Variants in SERGEF observed in about 807,000 individuals in gnomAD.
SERGEF encodes the protein secretion regulating guanine nucleotide exchange factor.
In SERGEF, 51 loss-of-function variants were observed where a neutral mutation model predicts 50.0. The ratio of observed to expected loss-of-function variants is 1.02; its 90% CI spans 0.81 to 1.29. SERGEF has a LOEUF of 1.29. SERGEF is among the 50% of genes most tolerant of loss of function. The pLI, the probability that SERGEF is intolerant of heterozygous loss-of-function variation, is 0.00. For synonymous variants in SERGEF, 205 were observed against 212.4 expected (o/e 0.97, Z 0.30); for missense variants, 521 against 557.0 (o/e 0.94, Z 0.65).
chr11:17,936,546 A>G (rs561193884), intron 9 of SERGEF, among the ~76,000 whole-genome samples: 1 of 152,328 alleles, frequency 6.6e-6, no homozygotes, highest in Admixed American at 6.5e-5. Context: ...GTAACAGAAC[A>G]GGATTTTTTT....
At chr11:17,816,626 A>G (rs1849979714) in intron 10 of SERGEF, among the ~76,000 whole-genome samples, 1 of 152,234 alleles carries the variant, frequency 6.6e-6, no homozygotes, top group Admixed American at 6.5e-5. Flanking sequence ...ATGGAAAGGT[A>G]AGCGTGCAGT....
intron 9 of SERGEF, among the ~76,000 whole-genome samples, chr11:17,911,553 C>T (rs539759035): frequency 1.1e-3 from 162 of 151,710 alleles, no homozygotes; most frequent in African/African-American, 3.8e-3. Flanking sequence ...TGCAGCAGCA[C>T]GATGGCTCAC....
chr11:17,869,341 C>T (rs1851092749), intron 10 of SERGEF, among the ~76,000 whole-genome samples: 1 of 152,086 alleles, frequency 6.6e-6, no homozygotes, highest in African/African-American at 2.4e-5. Context: ...CAGAACAATG[C>T]CTAATCTCCC....
chr11:18,008,720 C>CTTCTCTAGAGA (rs1854134171), intron 1 of SERGEF, among the ~76,000 whole-genome samples: 5 of 151,656 alleles, frequency 3.3e-5, no homozygotes, highest in African/African-American at 1.2e-4. Context: ...TTCTGGGCTA[C>CTTCTCTAGAGA]GAGTCGTTGG....
At chr11:18,004,725 T>C (rs112929030) in intron 3 of SERGEF, among the ~76,000 whole-genome samples, 190 bp from the exon 4 acceptor site, 77 of 152,334 alleles carry the variant, frequency 5.1e-4, no homozygotes, top group African/African-American at 1.7e-3. Flanking sequence ...CTACACAGAT[T>C]GTCTATTCTA....
Position 17,959,515 on chromosome 11 carries a change from C to T in SERGEF, c.966G>A (p.Pro322=), listed in dbSNP as rs771304984. 6 of 1,614,092 alleles carry T rather than the reference C, an allele frequency of 3.7e-6. No individual in the cohort carries two copies. Among genetic ancestry groups the T allele is most frequent in the Admixed American group, 3.3e-5 (2 of 60,020 alleles). ...AATGCGGAGACGAAGGCATGCTGTT[C>T]GGTGGTCTTGAACAGGGGAGAAATG... is the stretch of plus-strand genomic sequence containing the variant. ...QDSFLPCSRP[P]NSMPSSPHCL... The change falls in exon 9 of 11, where the codon CCG becomes CCA. Residue 322 remains proline, a synonymous_variant. Transcript: ENST00000265965.
chr11:17,797,919 C>T (rs978704453), intron 10 of SERGEF, among the ~76,000 whole-genome samples: 3 of 152,120 alleles, frequency 2.0e-5, no homozygotes, highest in African/African-American at 7.2e-5. Context: ...GTCCTGAGCC[C>T]CCAGGACAGT....
chr11:17,883,883 A>G (rs1851380052), intron 9 of SERGEF, among the ~76,000 whole-genome samples: 1 of 151,840 alleles, frequency 6.6e-6, no homozygotes, highest in Admixed American at 6.6e-5. Flanking sequence ...TGCCCTCCTC[A>G]TGGATACCCA....
intron 8 of SERGEF, among the ~76,000 whole-genome samples, chr11:17,967,422 G>C (rs1853148348): frequency 6.6e-6 from 1 of 152,220 alleles, no homozygotes; most frequent in Non-Finnish European, 1.5e-5. Context: ...CCCAGCTGAT[G>C]AGTGAGTGAG....
At chr11:17,825,153 G>A (rs1299241434) in intron 10 of SERGEF, among the ~76,000 whole-genome samples, 2 of 152,078 alleles carry the variant, frequency 1.3e-5, no homozygotes, top group Admixed American at 6.5e-5. Context: ...TCTACTATAC[G>A]CCAGATACTG....
chr11:17,866,292 A>G (rs1851021852), intron 10 of SERGEF, among the ~76,000 whole-genome samples: 1 of 152,210 alleles, frequency 6.6e-6, no homozygotes, highest in Non-Finnish European at 1.5e-5. Flanking sequence ...GCAGCCAAAG[A>G]ACTCCATAAA....
intron 10 of SERGEF, among the ~76,000 whole-genome samples, chr11:17,799,753 A>G (rs1361923973): frequency 6.6e-6 from 1 of 152,252 alleles, no homozygotes; most frequent in Non-Finnish European, 1.5e-5. Flanking sequence ...GATGACACAA[A>G]TCTGAGACAG....
chr11:17,922,932 C>T (rs1852185861), intron 9 of SERGEF, among the ~76,000 whole-genome samples: 1 of 152,202 alleles, frequency 6.6e-6, no homozygotes, highest in Non-Finnish European at 1.5e-5. Context: ...CAGATTAAAA[C>T]TGCCATCCTA....
At chr11:17,988,107 T>C (rs1181018592) in intron 8 of SERGEF, among the ~76,000 whole-genome samples, 2 of 152,186 alleles carry the variant, frequency 1.3e-5, no homozygotes, top group Non-Finnish European at 2.9e-5. Flanking sequence ...TGAGGGAATA[T>C]ATGAGATGTC....
chr11:17,909,538 A>G (rs527759031), intron 9 of SERGEF, among the ~76,000 whole-genome samples: 1 of 152,354 alleles, frequency 6.6e-6, no homozygotes, highest in South Asian at 2.1e-4. Context: ...ATCAGGGCCC[A>G]GCTGGGATGG....
chr11:17,958,950 C>T (rs1190336738), intron 9 of SERGEF, among the ~76,000 whole-genome samples: 1 of 152,090 alleles, frequency 6.6e-6, no homozygotes, highest in Admixed American at 6.5e-5. Flanking sequence ...CTCACTGCAA[C>T]CTCTGCCTCC....
rs761002692 is a variant in SERGEF at position 17,959,446 on chromosome 11, C to T, written c.1011+24G>A. ...AAAGACAAGAAAAAGGGACAGATTA[C>T]ATCTGTGAGAAGTCACTTCCTACCT... On this transcript the variant is annotated intron_variant, in intron 9 of 10. Transcript: ENST00000265965. 13 of 1,599,420 alleles carry T rather than the reference C, an allele frequency of 8.1e-6. No individual in the cohort carries two copies. In the South Asian group the frequency reaches 1.4e-4, roughly 18 times the overall value.
At chr11:18,004,288 A>G (rs1033405005) in intron 4 of SERGEF, among the ~76,000 whole-genome samples, 153 bp downstream of exon 4, 5 of 152,096 alleles carry the variant, frequency 3.3e-5, no homozygotes, top group African/African-American at 9.7e-5. Context: ...TCCCAACTTA[A>G]TTTTTCCCAG....
chr11:17,871,868 A>G (rs989037308), intron 10 of SERGEF, among the ~76,000 whole-genome samples: 1 of 152,188 alleles, frequency 6.6e-6, no homozygotes, highest in Non-Finnish European at 1.5e-5. Flanking sequence ...TACTTTAAAC[A>G]CTGTTGCGCA....
Sources: gnomAD v4.1 joint callset for allele counts (sites outside exome capture counted in the v4.1 genomes callset) on GRCh38, gnomAD v4.1.1 for gene constraint, MANE v1.5 for transcripts, NCBI Gene and HGNC (gene_info 2026-07-23, HGNC 2026-07-21) for gene names.